Variants in PMEL observed in about 807,000 individuals in gnomAD.
PMEL encodes melanocyte protein PMEL.
Under a neutral mutation model 64.9 loss-of-function variants are expected in PMEL, and 53 were observed. That is an observed-to-expected ratio of 0.82 (90% CI 0.66 to 1.03). PMEL has a LOEUF of 1.03. PMEL is among the 50% of genes least tolerant of loss of function. The pLI is 0.00. For missense variants in PMEL, 716 were observed against 814.9 expected (o/e 0.88, Z 1.48); for synonymous variants, 299 against 316.2 (o/e 0.95, Z 0.58).
In PMEL at chr12:55,961,408, A is replaced by G; in HGVS notation, c.243T>C (p.Asn81=). The G allele has an allele frequency of 6.2e-7, 1 of 1,614,122 alleles. No individual in the cohort carries two copies. The highest frequency in any genetic ancestry group is 1.3e-5 in the African/African-American group (1 of 75,038). The change falls in exon 3 of 11, where the codon AAT becomes AAC. Residue 81 remains asparagine (N), a synonymous_variant. Transcript: ENST00000548747. ...SNDGPTLIGA[N]ASFSIALNFP... is the part of the protein sequence containing the mutation. The stretch of plus-strand genomic sequence containing the variant: ...AGTTCAAGGCAATAGAGAAGGAGGC[A>G]TTTGCACCAATCAGTGTAGGCCCAT...
chr12:55,959,695 C>T lies in PMEL; in HGVS notation c.335-1088G>A, dbSNP rs187093329. The stretch of plus-strand genomic sequence containing the variant: ...TGGCGGAAGCCTATAATCCCAGCTA[C>T]CCAGGAGGCTGAGGCAGGAGAATCG... On this transcript the variant is annotated intron_variant, in intron 3 of 10. Coordinates refer to ENST00000548747, the MANE Select transcript of PMEL (RefSeq NM_001384361.1). Among the ~76,000 whole-genome samples the T allele has an allele frequency of 3.9e-3, 591 of 152,194 alleles. 7 individuals are homozygous for T. The highest frequency in any genetic ancestry group is 0.014 in the South Asian group (67 of 4,820).
chr12:55,966,617 AAG>A (rs1481769282), upstream of PMEL: 13 of 994,570 alleles, frequency 1.3e-5, no homozygotes, highest in Admixed American at 5.0e-5. Context: ...GGTACTTGGG[AAG>A]AGTGTTCAGC....
Position 55,958,032 on chromosome 12 carries a change from T to G in PMEL, c.522A>C (p.Thr174=). 1 of 1,614,192 alleles carries G rather than the reference T, an allele frequency of 6.2e-7. No individual in the cohort carries two copies. Among genetic ancestry groups the G allele is most frequent in the Non-Finnish European group, 8.5e-7 (1 of 1,180,014 alleles). ...TGTGTGTGCCCAGCATTGCCCTGCC[T>G]GTCCCAATGCTCAGCCCAGACACTG... ...GGPVSGLSIG[T]GRAMLGTHTM... The change falls in exon 5 of 11, where the codon ACA becomes ACC. Residue 174 remains threonine (T), a synonymous_variant. Transcript: ENST00000548747.
chr12:55,955,140 TA>T, intron 10 of PMEL, 133 bp downstream of exon 10: 1 of 760,842 alleles, frequency 1.3e-6, no homozygotes, highest in East Asian at 2.4e-5. Context: ...CAAGTCTGTC[TA>T]ACTTAAAAGC....
Position 55,958,434 on chromosome 12 carries a change from C to T in PMEL, c.469+39G>A, listed in dbSNP as rs752927390. The T allele has an allele frequency of 5.4e-5, 86 of 1,599,488 alleles. No homozygotes were observed. The South Asian group carries it at 5.4e-4, about 10-fold the overall frequency. On this transcript the variant is annotated intron_variant, in intron 4 of 10. Transcript: ENST00000548747. ...AGGTGATCAGGTAGAAAGAAGTAAA[C>T]ACAAGTGTGGATGATAGGCTGAGAA...
rs1165519830 is a variant in PMEL at position 55,956,271 on chromosome 12, G to T, written c.1355-52C>A. ...GATCAAGAGACAGATGACTCATCTG[G>T]AGGCAGAGGCCAAGCAGGCATTTTT... On this transcript the variant is annotated intron_variant, in intron 6 of 10. Coordinates refer to ENST00000548747, the MANE Select transcript of PMEL (RefSeq NM_001384361.1). 2.6e-6 allele frequency: 3 copies of T among 1,152,814 alleles called. No individual in the cohort carries two copies. In the Admixed American group the frequency reaches 5.4e-5, roughly 21 times the overall value. The allele number at this position is 1,152,814 out of a possible 1,614,324, so 71.4% of individuals were successfully genotyped here.
intron 7 of PMEL, 44 bp from the exon 8 acceptor site, chr12:55,955,907 C>A (rs764926026): frequency 6.5e-7 from 1 of 1,547,008 alleles, no homozygotes; most frequent in Admixed American, 1.7e-5. Flanking sequence ...CTCTACCTGG[C>A]CTCCCCAAAA....
chr12:55,959,063 C>T (rs1408108885), intron 3 of PMEL, among the ~76,000 whole-genome samples: 4 of 149,078 alleles, frequency 2.7e-5, no homozygotes, highest in Admixed American at 2.7e-4. Flanking sequence ...TACAGGCGTG[C>T]ACCACCATGC....
intron 4 of PMEL, 68 bp downstream of exon 4, chr12:55,958,405 A>AG (rs1339473165): frequency 6.8e-7 from 1 of 1,481,362 alleles, no homozygotes; most frequent in African/African-American, 2.3e-5. Context: ...GGCGGCCAAA[A>AG]GAAAGGTGAT....
upstream of PMEL, chr12:55,966,481 C>T (rs1889306819): frequency 4.7e-6 from 1 of 214,292 alleles, no homozygotes; most frequent in Non-Finnish European, 8.7e-6. Context: ...AAGGAGGCTC[C>T]TGGGCCAGGT....
intron 1 of PMEL, among the ~76,000 whole-genome samples, chr12:55,964,301 C>T (rs2136450827): frequency 6.6e-6 from 1 of 152,146 alleles, no homozygotes; most frequent in Non-Finnish European, 1.5e-5. Context: ...GCTGGGATTA[C>T]AGGCATGCAC....
chr12:55,962,448 CAAA>C (rs1197796228), intron 1 of PMEL, among the ~76,000 whole-genome samples: 6 of 37,520 alleles, frequency 1.6e-4, no homozygotes, highest in East Asian at 2.5e-3. Context: ...GACTCCATCT[CAAA>C]AAAAAAAAAA....
At chr12:55,957,807 C>T (rs2136439843) in intron 5 of PMEL, 116 bp downstream of exon 5, 1 of 1,518,936 alleles carries the variant, frequency 6.6e-7, no homozygotes, top group Admixed American at 1.9e-5. Flanking sequence ...CCTAGGTCTT[C>T]CTGGCCCTTC....
Position 55,957,192 on chromosome 12 carries a change from T to C in PMEL, c.1111A>G (p.Ser371Gly), listed in dbSNP as rs1270598734. 3 of 1,614,210 alleles carry C rather than the reference T, an allele frequency of 1.9e-6. No individual in the cohort carries two copies. The highest frequency in any genetic ancestry group is 2.5e-6 in the Non-Finnish European group (3 of 1,180,032). ...ACCTTCTCAGGTGTCATACCTGTGC[T>C]CTCTGCAGTTGGCATCTGCACAGGT... ...TAPVQMPTAE[S>G]TGMTPEKVPV... Residue 371 changes from serine to glycine, a missense_variant, in exon 6 of 11, where the codon AGC becomes GGC. Physicochemically the swap from Ser to Gly is moderately conservative, Grantham distance 56. Coordinates refer to ENST00000548747, the MANE Select transcript of PMEL (RefSeq NM_001384361.1).
At chr12:55,965,464 A>G (rs916927557) in intron 1 of PMEL, among the ~76,000 whole-genome samples, 1 of 135,044 alleles carries the variant, frequency 7.4e-6, no homozygotes, top group African/African-American at 2.9e-5. Flanking sequence ...TGTGATGCTC[A>G]GCTGAGACCC....
intron 3 of PMEL, among the ~76,000 whole-genome samples, chr12:55,959,386 AAAAT>A (rs200660768): frequency 1.3e-4 from 19 of 150,000 alleles, no homozygotes; most frequent in African/African-American, 2.0e-4. Flanking sequence ...CCCCGACTTT[AAAAT>A]AAATAAATAA....
intron 1 of PMEL, among the ~76,000 whole-genome samples, chr12:55,963,053 G>A (rs150896741): frequency 0.038 from 5,836 of 151,682 alleles, 356 homozygotes; most frequent in African/African-American, 0.13. Context: ...GCTACTCAGG[G>A]GGCTGAGGCA....
chr12:55,955,968 C>T, intron 7 of PMEL, 105 bp from the exon 8 acceptor site: 1 of 1,172,840 alleles, frequency 8.5e-7, no homozygotes, highest in Non-Finnish European at 1.3e-6. Flanking sequence ...CATCCCTGTG[C>T]TTTCAAATGA....
Position 55,955,489 on chromosome 12 carries a change from C to G in PMEL, c.1737G>C (p.Val579=). Residue 579 remains valine, a synonymous_variant, in exon 9 of 11, where the codon GTG becomes GTC. Transcript: ENST00000548747. The stretch of plus-strand genomic sequence containing the variant: ...CAGGCATGATAAGCTGGGTGCTGAC[C>G]ACTGCCAGGCTGTTGGTATCAGCCA... ...VSLADTNSLA[V]VSTQLIMPGQ... The G allele has an allele frequency of 6.2e-7, 1 of 1,614,112 alleles. No individual in the cohort carries two copies. Among genetic ancestry groups the G allele is most frequent in the Non-Finnish European group, 8.5e-7 (1 of 1,180,016 alleles).
Sources: allele counts gnomAD v4.1 joint callset (sites outside exome capture counted in the v4.1 genomes callset), GRCh38; gene constraint gnomAD v4.1.1; transcripts MANE v1.5; gene names NCBI Gene and HGNC (gene_info 2026-07-23, HGNC 2026-07-21).